The following VPS13B variants were observed in gnomAD, a reference collection of about 807,000 sequenced individuals.
VPS13B encodes intermembrane lipid transfer protein VPS13B.
Under a neutral mutation model 426.4 loss-of-function variants are expected in VPS13B, and 285 were observed. That is an observed-to-expected ratio of 0.67 (90% CI 0.61 to 0.74). The LOEUF is 0.74. Ranked by LOEUF, VPS13B falls within the 30% of genes least tolerant of loss-of-function variation. VPS13B has a pLI of 0.00. For missense variants in VPS13B, 4,537 were observed against 4,782.6 expected, an observed-to-expected ratio of 0.95 and a Z score of 1.51; for synonymous variants, 1,676 against 1,676.4, an observed-to-expected ratio of 1.00 and a Z score of 0.01.
At chr8:99,822,683 A>G (rs749147152) in intron 50 of VPS13B, among the ~76,000 whole-genome samples, 5 of 152,190 alleles carry the variant, frequency 3.3e-5, no homozygotes, top group Admixed American at 2.6e-4. Flanking sequence ...GGACCTCTTT[A>G]TACTCTTTTT....
At chr8:99,060,540 C>T (rs746502785) in intron 3 of VPS13B, among the ~76,000 whole-genome samples, 15 of 148,502 alleles carry the variant, frequency 1.0e-4, no homozygotes, top group African/African-American at 3.0e-4. Context: ...ACCTAGGAGG[C>T]GGATTTTGCA....
intron 26 of VPS13B, among the ~76,000 whole-genome samples, chr8:99,502,235 T>C (rs1821288050): frequency 6.6e-6 from 1 of 152,114 alleles, no homozygotes; most frequent in African/African-American, 2.4e-5. Context: ...CCGCCCACGT[T>C]GGCCGCCCAA....
chr8:99,834,608 C>T (rs1663716852), intron 52 of VPS13B, among the ~76,000 whole-genome samples: 1 of 152,036 alleles, frequency 6.6e-6, no homozygotes. Flanking sequence ...ACAAACACGG[C>T]TCACTGCATC....
At chr8:99,314,681 C>A (rs1821208951) in intron 19 of VPS13B, among the ~76,000 whole-genome samples, 1 of 151,742 alleles carries the variant, frequency 6.6e-6, no homozygotes, top group African/African-American at 2.4e-5. Context: ...AAACTCCTGG[C>A]CTCATGCAAT....
In VPS13B at chr8:99,470,558, T is replaced by C. The variant is rs181837926; in HGVS notation, c.3666+2924T>C. On this transcript the variant is annotated intron_variant, in intron 24 of 61. Coordinates refer to ENST00000357162, the MANE Select transcript of VPS13B (RefSeq NM_152564.5). ...GCTTGGAGATGATAGAAGAAAGAGT[T>C]ACTAAACTTGAACATAGATCAGTAG... Among the ~76,000 whole-genome samples, 38 of 152,218 alleles carry C rather than the reference T, an allele frequency of 2.5e-4. No homozygotes were observed. In the East Asian group the frequency reaches 7.0e-3, roughly 28 times the overall value.
chr8:99,177,374 T>C (rs922559872), intron 16 of VPS13B, among the ~76,000 whole-genome samples: 12 of 152,214 alleles, frequency 7.9e-5, no homozygotes, highest in Non-Finnish European at 1.5e-5. Context: ...ATAATGTGTT[T>C]AGATAAATAA....
In VPS13B at chr8:99,832,620, C is replaced by G. The variant is rs757859930; in HGVS notation, c.9582C>G (p.Leu3194=). Residue 3194 remains leucine, a synonymous_variant, in exon 52 of 62, where the codon CTC becomes CTG. Coordinates refer to ENST00000357162, the MANE Select transcript of VPS13B (RefSeq NM_152564.5). ...EFPRQSVAVP[L]GNFRENGFCT... ...CCAGACAGAGTGTGGCAGTACCCCT[C>G]GGGAATTTCCGGGAAAATGGATTCT... 1 of 1,613,572 alleles carries G rather than the reference C, an allele frequency of 6.2e-7. No homozygotes were observed. The highest frequency in any genetic ancestry group is 1.3e-5 in the African/African-American group (1 of 74,844).
intron 40 of VPS13B, among the ~76,000 whole-genome samples, chr8:99,772,666 C>G (rs548502549): frequency 6.6e-6 from 1 of 152,264 alleles, no homozygotes; most frequent in South Asian, 2.1e-4. Flanking sequence ...TAGTATGCAT[C>G]ATATTTTCAG....
intron 30 of VPS13B, among the ~76,000 whole-genome samples, chr8:99,555,562 A>G (rs1348724377): frequency 6.6e-6 from 1 of 152,102 alleles, no homozygotes; most frequent in Non-Finnish European, 1.5e-5. Context: ...TCTTTTGATC[A>G]TCTACTTTAA....
chr8:99,042,425 T>C (rs1369012499), intron 3 of VPS13B, among the ~76,000 whole-genome samples: 2 of 152,234 alleles, frequency 1.3e-5, no homozygotes, highest in African/African-American at 2.4e-5. Context: ...CATAACCTTC[T>C]AATTGTTGAT....
At chr8:99,507,322 C>T in intron 28 of VPS13B, 119 bp downstream of exon 28, 1 of 1,058,716 alleles carries the variant, frequency 9.4e-7, no homozygotes, top group Non-Finnish European at 1.4e-6. Context: ...TTCTTATTAG[C>T]CTGTTTCTTC....
chr8:99,182,629 TC>T (rs1431249181), intron 16 of VPS13B, among the ~76,000 whole-genome samples: 1 of 152,192 alleles, frequency 6.6e-6, no homozygotes, highest in Non-Finnish European at 1.5e-5. Flanking sequence ...TTCTGTGTAT[TC>T]TAGGCTTGAC....
chr8:99,499,913 C>G (rs755515749), intron 25 of VPS13B, among the ~76,000 whole-genome samples: 10 of 152,098 alleles, frequency 6.6e-5, no homozygotes, highest in Non-Finnish European at 1.3e-4. Flanking sequence ...CCCATTGGGC[C>G]TCCTTCTGAG....
chr8:99,343,657 C>T (rs946222959), intron 19 of VPS13B, among the ~76,000 whole-genome samples: 14 of 151,904 alleles, frequency 9.2e-5, no homozygotes, highest in Middle Eastern at 6.8e-3. Flanking sequence ...ACAAACTATC[C>T]GAAAAGGAAA....
chr8:99,335,407 T>C (rs1366920027), intron 19 of VPS13B, among the ~76,000 whole-genome samples: 1 of 152,184 alleles, frequency 6.6e-6, no homozygotes, highest in African/African-American at 2.4e-5. Context: ...AGCTTTTGAA[T>C]GTGTTTGCTT....
At chr8:99,337,826 A>G (rs1026188643) in intron 19 of VPS13B, among the ~76,000 whole-genome samples, 1 of 152,128 alleles carries the variant, frequency 6.6e-6, no homozygotes, top group African/African-American at 2.4e-5. Flanking sequence ...ATTTTCCTCT[A>G]AAAGCCTTAT....
intron 19 of VPS13B, among the ~76,000 whole-genome samples, chr8:99,277,291 C>A (rs1253415655): frequency 1.3e-5 from 2 of 151,984 alleles, no homozygotes; most frequent in Non-Finnish European, 2.9e-5. Flanking sequence ...TATATTTTAA[C>A]TTAAAACTAC....
At chr8:99,084,378 A>G (rs6468658) in intron 3 of VPS13B, among the ~76,000 whole-genome samples, 110,504 of 151,938 alleles carry the variant, frequency 0.73, 40,855 homozygotes, top group South Asian at 0.86. Context: ...CAGTCTATCA[A>G]TTTTGTTGAT....
intron 19 of VPS13B, among the ~76,000 whole-genome samples, chr8:99,372,181 G>C (rs1213241455): frequency 6.6e-6 from 1 of 151,024 alleles, no homozygotes; most frequent in Non-Finnish European, 1.5e-5. Flanking sequence ...AACCCCAGGG[G>C]GCGGAGCCTG....
Sources: gnomAD v4.1 joint callset for allele counts (sites outside exome capture counted in the v4.1 genomes callset) on GRCh38, gnomAD v4.1.1 for gene constraint, MANE v1.5 for transcripts, NCBI Gene and HGNC (gene_info 2026-07-23, HGNC 2026-07-21) for gene names.